NCKAP5: variants seen among roughly 807,000 people sequenced by gnomAD.
NCKAP5 encodes nck-associated protein 5.
Under a neutral mutation model 167.0 loss-of-function variants are expected in NCKAP5, and 92 were observed. That is an observed-to-expected ratio of 0.55 (90% CI 0.47 to 0.66). NCKAP5 has a LOEUF of 0.66. NCKAP5 is among the 30% of genes least tolerant of loss of function. The probability of loss-of-function intolerance (pLI) is 0.00; values close to 1 mark genes in which losing one functional copy is unlikely to be tolerated. For missense variants in NCKAP5, 2,378 were observed against 2,315.0 expected (o/e 1.03, Z -0.56); for synonymous variants, 891 against 877.4 (o/e 1.02, Z -0.27).
chr2:133,409,893 AG>A (rs1407583421), intron 3 of NCKAP5, among the ~76,000 whole-genome samples: 2 of 152,218 alleles, frequency 1.3e-5, no homozygotes, highest in South Asian at 2.1e-4. Flanking sequence ...TGACCAAAAA[AG>A]GTTCTTACAC....
chr2:133,486,317 G>C (rs79744897), intron 3 of NCKAP5, among the ~76,000 whole-genome samples: 2 of 152,168 alleles, frequency 1.3e-5, no homozygotes, highest in Admixed American at 6.5e-5. Flanking sequence ...TCTTAGGTTA[G>C]ACACTTCAGT....
In NCKAP5 at chr2:132,783,954, A is replaced by T. The variant is rs772244762; in HGVS notation, c.2857T>A (p.Ser953Thr). The T allele has an allele frequency of 6.3e-7, 1 of 1,594,292 alleles. No individual in the cohort carries two copies. The highest frequency in any genetic ancestry group is 1.1e-5 in the South Asian group (1 of 87,836). ...PSYDYSPAPS[S>T]TKSETRVPSE... is the part of the protein sequence containing the mutation. ...GGGACCCTGGTTTCGGACTTGGTGG[A>T]TGAAGGTGCTGGTGAATAGTCATAG... Residue 953 changes from serine (S) to threonine (T), a missense_variant, in exon 14 of 20, where the codon TCC (serine) becomes ACC (threonine). Ser to Thr is a moderately conservative substitution (Grantham distance 58). Around this residue, in one of 3 missense-constraint regions of NCKAP5, gnomAD observed 1,325 missense variants for 1,274.5 expected, o/e 1.04. Coordinates refer to ENST00000409261, the MANE Select transcript of NCKAP5 (RefSeq NM_207363.3).
intron 5 of NCKAP5, among the ~76,000 whole-genome samples, chr2:133,203,673 G>C (rs1297311629): frequency 1.3e-5 from 2 of 152,118 alleles, no homozygotes; most frequent in Non-Finnish European, 2.9e-5. Context: ...TAAAAGAAGG[G>C]AGGAATTTAC....
chr2:133,650,549 T>G, the NCKAP5 span, among the ~76,000 whole-genome samples: 6 of 151,982 alleles, frequency 3.9e-5, no homozygotes, highest in Non-Finnish European at 8.8e-5. Flanking sequence ...CAGAAATAAA[T>G]CCACACATAT....
At chr2:133,365,310 G>A (rs1685382580) in intron 3 of NCKAP5, among the ~76,000 whole-genome samples, 1 of 152,170 alleles carries the variant, frequency 6.6e-6, no homozygotes, top group Admixed American at 6.5e-5. Flanking sequence ...CCTACTAGCT[G>A]GCGAAGCACA....
chr2:132,952,773 T>G (rs969291806), intron 8 of NCKAP5, among the ~76,000 whole-genome samples: 2 of 152,192 alleles, frequency 1.3e-5, no homozygotes, highest in Non-Finnish European at 2.9e-5. Flanking sequence ...TGCACGTATT[T>G]TTCTACACTC....
chr2:133,534,651 A>G (rs1185859290), intron 2 of NCKAP5, among the ~76,000 whole-genome samples: 1 of 152,186 alleles, frequency 6.6e-6, no homozygotes, highest in East Asian at 1.9e-4. Flanking sequence ...TCCATGTTGC[A>G]GCACGTGGCA....
intron 5 of NCKAP5, among the ~76,000 whole-genome samples, chr2:133,181,503 C>T (rs1053252412): frequency 6.8e-6 from 1 of 146,340 alleles, no homozygotes; most frequent in East Asian, 2.1e-4. Flanking sequence ...TCTAAATGTG[C>T]TAATTAAAAT....
In NCKAP5 at chr2:133,007,008, C is replaced by A. The variant is rs1442308517; in HGVS notation, c.342-12769G>T. On this transcript the variant is annotated intron_variant, in intron 6 of 19. Coordinates refer to ENST00000409261, the MANE Select transcript of NCKAP5 (RefSeq NM_207363.3). Reference sequence around the variant, plus strand: ...CTCTTAAAGAAGCAGATATTGTAAACCACAGCACATCCAGAAAAGTCGCTC... The same window carrying A: ...CTCTTAAAGAAGCAGATATTGTAAAACACAGCACATCCAGAAAAGTCGCTC... 2.0e-5 allele frequency among the ~76,000 whole-genome samples: 3 copies of A among 152,134 alleles called. No homozygotes were observed. In the East Asian group the frequency reaches 5.8e-4, roughly 29 times the overall value.
chr2:133,471,437 C>G (rs13419826), intron 3 of NCKAP5, among the ~76,000 whole-genome samples: 1 of 151,868 alleles, frequency 6.6e-6, no homozygotes, highest in Non-Finnish European at 1.5e-5. Context: ...TTCTCTCTTG[C>G]GACCCAGTCA....
chr2:133,416,092 G>A (rs996761038), intron 3 of NCKAP5, among the ~76,000 whole-genome samples: 1 of 152,176 alleles, frequency 6.6e-6, no homozygotes, highest in Admixed American at 6.5e-5. Context: ...TCTGATAAAC[G>A]TCAGGTCTCT....
chr2:132,842,595 C>T (rs1688368488), intron 11 of NCKAP5, among the ~76,000 whole-genome samples: 1 of 151,976 alleles, frequency 6.6e-6, no homozygotes, highest in Non-Finnish European at 1.5e-5. Context: ...CCCTGTCACC[C>T]AGGCTGGAGT....
intron 8 of NCKAP5, among the ~76,000 whole-genome samples, chr2:132,949,700 T>G (rs2076125696): frequency 6.6e-6 from 1 of 152,120 alleles, no homozygotes; most frequent in Non-Finnish European, 1.5e-5. Context: ...AAGCTATATT[T>G]AAAAACATGG....
intron 8 of NCKAP5, among the ~76,000 whole-genome samples, chr2:132,928,584 T>C (rs1376726726): frequency 6.6e-6 from 1 of 152,226 alleles, no homozygotes; most frequent in African/African-American, 2.4e-5. Flanking sequence ...GGCAGTCATG[T>C]TAACATCTAA....
intron 3 of NCKAP5, among the ~76,000 whole-genome samples, chr2:133,420,085 T>C (rs1689377421): frequency 6.6e-6 from 1 of 152,202 alleles, no homozygotes; most frequent in Non-Finnish European, 1.5e-5. Context: ...TAATATCTTT[T>C]AGGGAAGATG....
intron 3 of NCKAP5, among the ~76,000 whole-genome samples, chr2:133,487,615 C>G (rs956663511): frequency 4.6e-5 from 7 of 152,098 alleles, no homozygotes; most frequent in Non-Finnish European, 2.9e-5. Context: ...GGGAGAAACA[C>G]TGGATATACC....
the NCKAP5 span, among the ~76,000 whole-genome samples, chr2:133,641,642 C>T: frequency 6.6e-6 from 1 of 152,210 alleles, no homozygotes; most frequent in Non-Finnish European, 1.5e-5. Flanking sequence ...AGGGCAGGAG[C>T]CACCCTCAGG....
intron 3 of NCKAP5, among the ~76,000 whole-genome samples, chr2:133,342,537 G>A (rs1367872088): frequency 6.6e-6 from 1 of 152,164 alleles, no homozygotes; most frequent in African/African-American, 2.4e-5. Flanking sequence ...CAGTTTGCAT[G>A]GCTGTCCTTA....
chr2:133,388,049 C>T (rs747997598), intron 3 of NCKAP5, among the ~76,000 whole-genome samples: 11 of 152,328 alleles, frequency 7.2e-5, no homozygotes, highest in East Asian at 1.9e-4. Flanking sequence ...AACTCATCAA[C>T]GTAATTCTCC....
Sources: allele counts gnomAD v4.1 joint callset (sites outside exome capture counted in the v4.1 genomes callset), GRCh38; gene constraint gnomAD v4.1.1; regional missense constraint gnomAD v4.1.1; transcripts MANE v1.5; gene names NCBI Gene and HGNC (gene_info 2026-07-23, HGNC 2026-07-21).